Variants in IGF2BP2 observed in about 807,000 individuals in gnomAD.
IGF2BP2 encodes insulin-like growth factor 2 mRNA-binding protein 2.
In IGF2BP2, 17 loss-of-function variants were observed where a neutral mutation model predicts 75.8. The observed-to-expected ratio is 0.22, with a 90% CI of 0.15 to 0.34. IGF2BP2 has a LOEUF of 0.34. IGF2BP2 is among the 10% of genes least tolerant of loss of function. The pLI, the probability that IGF2BP2 is intolerant of heterozygous loss-of-function variation, is 1.00. For synonymous variants in IGF2BP2, 288 were observed against 295.6 expected (o/e 0.97, Z 0.26); for missense variants, 516 against 772.4 (o/e 0.67, Z 3.93).
Position 185,675,714 on chromosome 3 carries a change from T to C in IGF2BP2, c.935+77A>G, listed in dbSNP as rs535599202. ...ATTATATTCCCATTTTAGGGAAAAG[T>C]AGATGAATGAACTAGACGTATCGAA... On this transcript the variant is annotated intron_variant, in intron 8 of 15. Coordinates refer to ENST00000382199, the MANE Select transcript of IGF2BP2 (RefSeq NM_006548.6). 1.9e-5 allele frequency: 29 copies of C among 1,509,942 alleles called. No homozygotes were observed. In the African/African-American group the frequency reaches 3.5e-4, roughly 18 times the overall value. The allele number at this position is 1,509,942 out of a possible 1,614,324, so 93.5% of individuals were successfully genotyped here. A position where few individuals can be genotyped will look rare whatever the true frequency, so the allele number is the denominator to read the frequency against.
chr3:185,674,821 A>C (rs1388669728), intron 9 of IGF2BP2, among the ~76,000 whole-genome samples: 1 of 151,886 alleles, frequency 6.6e-6, no homozygotes, highest in Non-Finnish European at 1.5e-5. Flanking sequence ...ATTTACTTAT[A>C]TACTTTTATA....
chr3:185,759,352 T>TGC (rs1248214541), intron 2 of IGF2BP2, among the ~76,000 whole-genome samples: 1 of 152,214 alleles, frequency 6.6e-6, no homozygotes, highest in Non-Finnish European at 1.5e-5. Context: ...AAGGTGTATG[T>TGC]GCATAGATTA....
At chr3:185,666,564 G>C (rs568923929) in intron 10 of IGF2BP2, among the ~76,000 whole-genome samples, 72 of 152,212 alleles carry the variant, frequency 4.7e-4, no homozygotes, top group Non-Finnish European at 8.8e-4. Context: ...CGGAGGCAGA[G>C]GTTACAGTGA....
intron 2 of IGF2BP2, among the ~76,000 whole-genome samples, chr3:185,747,166 C>T (rs1730352142): frequency 6.6e-6 from 1 of 152,148 alleles, no homozygotes. Context: ...CTAAATTATC[C>T]ACTTTCAGCT....
At chr3:185,686,997 A>AT in intron 7 of IGF2BP2, 60 bp downstream of exon 7, 1 of 1,576,662 alleles carries the variant, frequency 6.3e-7, no homozygotes, top group Non-Finnish European at 8.6e-7. Context: ...CTTGGGTTAA[A>AT]TGAGGGAGAA....
chr3:185,665,777 G>T (rs1342179392), intron 10 of IGF2BP2, among the ~76,000 whole-genome samples: 1 of 152,148 alleles, frequency 6.6e-6, no homozygotes, highest in Non-Finnish European at 1.5e-5. Context: ...GATCAGCCTG[G>T]CCAACATGGC....
chr3:185,804,192 G>T (rs1479811635), intron 2 of IGF2BP2, among the ~76,000 whole-genome samples: 1 of 151,610 alleles, frequency 6.6e-6, no homozygotes, highest in African/African-American at 2.4e-5. Flanking sequence ...GGAGGCAGAG[G>T]TTGCGGTGAG....
At chr3:185,810,215 CTTTTT>C (rs1383395727) in intron 2 of IGF2BP2, among the ~76,000 whole-genome samples, 1 of 152,076 alleles carries the variant, frequency 6.6e-6, no homozygotes, top group Admixed American at 6.6e-5. Context: ...TAGTCTGAGG[CTTTTT>C]GTTTTGTTTT....
chr3:185,674,666 T>C (rs903791707), intron 9 of IGF2BP2, among the ~76,000 whole-genome samples: 3 of 152,196 alleles, frequency 2.0e-5, no homozygotes, highest in African/African-American at 4.8e-5. Flanking sequence ...ATTTTTAAAA[T>C]TTAAAAAGTA....
At chr3:185,745,474 C>T (rs1033506323) in intron 2 of IGF2BP2, among the ~76,000 whole-genome samples, 1 of 152,140 alleles carries the variant, frequency 6.6e-6, no homozygotes, top group Admixed American at 6.5e-5. Context: ...CTGGCTGACA[C>T]AGAGCAAGGT....
intron 4 of IGF2BP2, 21 bp from the exon 5 acceptor site, chr3:185,692,783 A>G (rs1273963787): frequency 1.9e-6 from 3 of 1,612,636 alleles, no homozygotes; most frequent in African/African-American, 2.7e-5. Context: ...GGCAAAAACT[A>G]CACTGTCATA....
At chr3:185,743,600 T>C (rs990585784) in intron 2 of IGF2BP2, among the ~76,000 whole-genome samples, 6 of 152,206 alleles carry the variant, frequency 3.9e-5, no homozygotes, top group Non-Finnish European at 8.8e-5. Context: ...TTAATGATAC[T>C]TTTCCTGTTT....
In IGF2BP2 at chr3:185,714,640, C is replaced by A. The variant is rs368201808; in HGVS notation, c.240-16293G>T. Among the ~76,000 whole-genome samples, 16 of 152,224 alleles carry A rather than the reference C, an allele frequency of 1.1e-4. No homozygotes were observed. In the East Asian group the frequency reaches 2.3e-3, roughly 22 times the overall value. ...CATTTTAATTACAAATGAGGGTGATCATTTTTCATATATTAAAGAACCTAT... is the reference window on the plus strand; with the variant it reads ...CATTTTAATTACAAATGAGGGTGATAATTTTTCATATATTAAAGAACCTAT... On this transcript the variant is annotated intron_variant, in intron 2 of 15. Coordinates refer to ENST00000382199, the MANE Select transcript of IGF2BP2 (RefSeq NM_006548.6).
intron 2 of IGF2BP2, among the ~76,000 whole-genome samples, chr3:185,802,200 G>T (rs1289655841): frequency 6.7e-6 from 1 of 148,956 alleles, no homozygotes; most frequent in African/African-American, 2.5e-5. Flanking sequence ...AAATCTGGAA[G>T]GTAAACCTAA....
intron 2 of IGF2BP2, among the ~76,000 whole-genome samples, chr3:185,800,931 G>C (rs1055396408): frequency 6.6e-6 from 1 of 151,298 alleles, no homozygotes; most frequent in South Asian, 2.1e-4. Flanking sequence ...GCAATCTACA[G>C]AATGGGAGAA....
At chr3:185,692,913 T>C (rs1722140932) in intron 4 of IGF2BP2, 151 bp from the exon 5 acceptor site, 3 of 643,834 alleles carry the variant, frequency 4.7e-6, no homozygotes, top group African/African-American at 3.7e-5. Context: ...TTCATCTGAG[T>C]TCACAGTAAT....
At chr3:185,787,749 T>C (rs192212969) in intron 2 of IGF2BP2, among the ~76,000 whole-genome samples, 15 of 151,846 alleles carry the variant, frequency 9.9e-5, no homozygotes, top group Admixed American at 9.8e-4. Flanking sequence ...AAAAAACAGT[T>C]TGCACGAGTT....
intron 6 of IGF2BP2, among the ~76,000 whole-genome samples, chr3:185,688,897 G>A (rs1465157103): frequency 2.0e-5 from 3 of 152,200 alleles, no homozygotes; most frequent in Non-Finnish European, 2.9e-5. Context: ...AAACTAAACA[G>A]AAGGCCAGTG....
At chr3:185,789,136 G>C (rs1361450677) in intron 2 of IGF2BP2, among the ~76,000 whole-genome samples, 1 of 152,154 alleles carries the variant, frequency 6.6e-6, no homozygotes, top group African/African-American at 2.4e-5. Flanking sequence ...GGGATTACAG[G>C]CACCAGCATC....
Sources: allele counts gnomAD v4.1 joint callset (sites outside exome capture counted in the v4.1 genomes callset), GRCh38; gene constraint gnomAD v4.1.1; transcripts MANE v1.5; gene names NCBI Gene and HGNC (gene_info 2026-07-23, HGNC 2026-07-21).